P2RY10: variants seen among roughly 807,000 people sequenced by gnomAD.
P2RY10 encodes P2Y receptor family member 10, also known as putative P2Y purinoceptor 10.
In P2RY10, 4 loss-of-function variants were observed where a neutral mutation model predicts 12.1. That is an observed-to-expected ratio of 0.33 (90% CI 0.16 to 0.76). The LOEUF (loss-of-function observed/expected upper bound fraction) is 0.76, where lower values mean the gene tolerates loss of function less well. Among genes scored for constraint, P2RY10 ranks in the 30% least tolerant of loss-of-function variants. The pLI is 0.61. For missense variants in P2RY10, 233 were observed against 264.6 expected, an observed-to-expected ratio of 0.88 and a Z score of 0.83; for synonymous variants, 112 against 94.1, an observed-to-expected ratio of 1.19 and a Z score of -1.10.
At chrX:78,946,004 A>G (rs1488461815) in intron 1 of P2RY10, among the ~76,000 whole-genome samples, 2 of 111,775 alleles carry the variant, frequency 1.8e-5, no homozygotes, top group Middle Eastern at 4.2e-3. Context: ...TGGGGGCTGA[A>G]AGGGCCCATA....
chrX:78,951,098 C>T (rs931465689), intron 2 of P2RY10, among the ~76,000 whole-genome samples: 3 of 111,292 alleles, frequency 2.7e-5, no homozygotes, highest in South Asian at 3.8e-4. Flanking sequence ...CAACGTTGAG[C>T]TAGTTGGTTG....
intron 3 of P2RY10, among the ~76,000 whole-genome samples, chrX:78,957,387 C>CACAG (rs760263078): frequency 4.0e-4 from 30 of 75,822 alleles, no homozygotes; most frequent in East Asian, 1.9e-3. Context: ...CACACACACA[C>CACAG]AGAGAGAGAG....
At chrX:78,955,838 A>C (rs1602267668) in intron 3 of P2RY10, among the ~76,000 whole-genome samples, 1 of 112,324 alleles carries the variant, frequency 8.9e-6, no homozygotes, top group East Asian at 2.8e-4. Flanking sequence ...ATGATTCTAT[A>C]TTCTCCATAG....
chrX:78,959,462 A>G (rs1260465339), intron 3 of P2RY10, among the ~76,000 whole-genome samples: 1 of 111,604 alleles, frequency 9.0e-6, no homozygotes, highest in African/African-American at 3.3e-5. Flanking sequence ...TTCCATGCCT[A>G]GCCTCTGATA....
In P2RY10 at chrX:78,962,278, C is replaced by T. The variant is rs916182933; in HGVS notation, c.*738C>T. Among the ~76,000 whole-genome samples, 2 of 111,038 alleles carry T rather than the reference C, an allele frequency of 1.8e-5. No homozygotes were observed. Among genetic ancestry groups the T allele is most frequent in the African/African-American group, 3.3e-5 (1 of 30,430 alleles). On this transcript the variant is annotated 3_prime_UTR_variant, in exon 4 of 4. Transcript: ENST00000171757. ...ACCACATTTGTAGTCTTCTATCCCT[C>T]GCCCCCTTCCCACTCTTCCACACAT...
At position 78,962,570 on chromosome X, in the gene P2RY10, A is replaced by G. The variant is rs1922685638; in HGVS notation, c.*1030A>G. ...GGCCATTTCAACATGGTTTGCCTGG[A>G]ATTCTCCAAAAAACCTGTGGGTTGT... is the stretch of plus-strand genomic sequence containing the variant. On this transcript the variant is annotated 3_prime_UTR_variant, in exon 4 of 4. Transcript: ENST00000171757. 1.8e-5 allele frequency among the ~76,000 whole-genome samples: 2 copies of G among 112,048 alleles called. No homozygotes were observed. Among genetic ancestry groups the G allele is most frequent in the Admixed American group, 1.9e-4 (2 of 10,537 alleles).
At chrX:78,955,570 A>T (rs923345183) in intron 3 of P2RY10, among the ~76,000 whole-genome samples, 5 of 111,685 alleles carry the variant, frequency 4.5e-5, no homozygotes, top group Non-Finnish European at 7.5e-5. Flanking sequence ...GTCAGAGAGA[A>T]CAGATGGTAA....
At chrX:78,950,654 C>T (rs1484368771) in intron 2 of P2RY10, among the ~76,000 whole-genome samples, 1 of 111,677 alleles carries the variant, frequency 9.0e-6, no homozygotes, top group Non-Finnish European at 1.9e-5. Context: ...TGGTGGGCAG[C>T]AATTTGCCAT....
intron 3 of P2RY10, among the ~76,000 whole-genome samples, chrX:78,955,408 G>C (rs1922290680): frequency 8.9e-6 from 1 of 111,942 alleles, no homozygotes; most frequent in Admixed American, 9.4e-5. Flanking sequence ...TTTCCCAATA[G>C]GTAAGAAAAG....
At chrX:78,953,276 C>G (rs1361644945) in intron 3 of P2RY10, among the ~76,000 whole-genome samples, 1 of 111,424 alleles carries the variant, frequency 9.0e-6, no homozygotes, top group Non-Finnish European at 1.9e-5. Flanking sequence ...CTATGTGAGA[C>G]TAGGAGAAAT....
Position 78,961,411 on chromosome X carries a change from C to T in P2RY10, c.891C>T (p.Cys297=). ...HPFCLCLASL[C]CLLDPILYYF... ...TTTGCCTGTGCCTTGCAAGTCTCTG[C>T]TGCCTTTTGGATCCAATTCTTTATT... The change falls in exon 4 of 4, where the codon TGC becomes TGT. Residue 297 remains cysteine (C), a synonymous_variant. Transcript: ENST00000171757. 1.7e-6 allele frequency: 2 copies of T among 1,211,006 alleles called. No individual in the cohort carries two copies. The highest frequency in any genetic ancestry group is 2.2e-6 in the Non-Finnish European group (2 of 894,794).
intron 3 of P2RY10, 137 bp from the exon 4 acceptor site, chrX:78,960,371 C>G: frequency 6.0e-6 from 3 of 501,164 alleles, no homozygotes; most frequent in East Asian, 3.7e-5. Flanking sequence ...TTTCCTTGAG[C>G]CTCTAATTCT....
chrX:78,948,838 T>C (rs1443253094), intron 2 of P2RY10, among the ~76,000 whole-genome samples: 1 of 112,258 alleles, frequency 8.9e-6, no homozygotes, highest in Non-Finnish European at 1.9e-5. Context: ...ATAGTGTATA[T>C]ACACCACATT....
chrX:78,947,060 C>T (rs1921872633), intron 1 of P2RY10, among the ~76,000 whole-genome samples: 1 of 110,246 alleles, frequency 9.1e-6, no homozygotes, highest in Non-Finnish European at 1.9e-5. Context: ...CTAAAAAATA[C>T]AGAAATTAGC....
At chrX:78,946,950 C>T (rs771967320) in intron 1 of P2RY10, among the ~76,000 whole-genome samples, 2 of 111,897 alleles carry the variant, frequency 1.8e-5, no homozygotes, top group East Asian at 2.8e-4. Flanking sequence ...CTTGGTGGCT[C>T]ACGCTGTAAT....
intron 1 of P2RY10, among the ~76,000 whole-genome samples, chrX:78,946,627 A>T (rs1921846934): frequency 8.9e-6 from 1 of 112,416 alleles, no homozygotes. Flanking sequence ...TCTATCTCTT[A>T]GCAATTGCAG....
rs1922447840 is a variant in P2RY10 at position 78,958,395 on chromosome X, A to G, written c.-13-2113A>G. On this transcript the variant is annotated intron_variant, in intron 3 of 3. Coordinates refer to ENST00000171757, the MANE Select transcript of P2RY10 (RefSeq NM_014499.4). ...AGCATGCAAAGGCATGTGGAGTGAT[A>G]GTTAAGACAGCCAAATTCTACTAAG... 2.7e-5 allele frequency among the ~76,000 whole-genome samples: 3 copies of G among 112,424 alleles called. No homozygotes were observed. The Admixed American group carries it at 2.8e-4, about 11-fold the overall frequency.
intron 1 of P2RY10, 104 bp from the exon 2 acceptor site, chrX:78,947,711 G>T: frequency 7.5e-6 from 1 of 133,897 alleles, no homozygotes; most frequent in Non-Finnish European, 1.4e-5. Context: ...TGAATAATGG[G>T]GCCATAATAG....
At position 78,960,498 on chromosome X, in the gene P2RY10, C is replaced by G. The variant is rs200800758; in HGVS notation, c.-13-10C>G. 8.4e-7 allele frequency: 1 copy of G among 1,184,050 alleles called. No homozygotes were observed. The highest frequency in any genetic ancestry group is 3.0e-5 in the East Asian group (1 of 33,474). On this transcript the variant is annotated splice_polypyrimidine_tract_variant and intron_variant, in intron 3 of 3. Coordinates refer to ENST00000171757, the MANE Select transcript of P2RY10 (RefSeq NM_014499.4). ...CCATTTTACTCTTTATTTTGTTTTA[C>G]TTTGGGCAGGAACCATAAATCCATG...
Sources: gnomAD v4.1 joint callset for allele counts (sites outside exome capture counted in the v4.1 genomes callset) on GRCh38, gnomAD v4.1.1 for gene constraint, MANE v1.5 for transcripts, NCBI Gene and HGNC (gene_info 2026-07-23, HGNC 2026-07-21) for gene names.